RFWD3: variants seen among roughly 807,000 people sequenced by gnomAD.
RFWD3 encodes ring finger and WD repeat domain 3, also known as E3 ubiquitin-protein ligase RFWD3.
Under a neutral mutation model 87.7 loss-of-function variants are expected in RFWD3, and 65 were observed. That is an observed-to-expected ratio of 0.74 (90% confidence interval 0.61 to 0.91). RFWD3 has a LOEUF of 0.91. Among genes scored for constraint, RFWD3 ranks in the 40% least tolerant of loss-of-function variants. The pLI is 0.00. For synonymous variants in RFWD3, 433 were observed against 352.8 expected, an observed-to-expected ratio of 1.23 and a Z score of -2.55; for missense variants, 1,078 against 938.5, an observed-to-expected ratio of 1.15 and a Z score of -1.94.
chr16:74,661,321 C>A lies in RFWD3; in HGVS notation c.129G>T (p.Val43=), dbSNP rs779285037. The A allele has an allele frequency of 6.2e-7, 1 of 1,613,908 alleles. No homozygotes were observed. The highest frequency in any genetic ancestry group is 8.5e-7 in the Non-Finnish European group (1 of 1,179,980). ...TGGATGGTACCCCCTGGCTGCTGAC[C>A]ACATCAGCAGGAACAGGCTGGAGGA... ...PALLQPVPAD[V]VSSQGVPSIL... The change falls in exon 2 of 13, where the codon GTG becomes GTT. Residue 43 remains valine (V), a synonymous_variant. Coordinates refer to ENST00000361070, the MANE Select transcript of RFWD3 (RefSeq NM_018124.4).
intron 5 of RFWD3, 30 bp from the exon 6 acceptor site, chr16:74,644,483 T>A: frequency 6.2e-7 from 1 of 1,613,934 alleles, no homozygotes; most frequent in East Asian, 2.2e-5. Context: ...ATAATTAGAG[T>A]GGTTCTAGGA....
At chr16:74,642,506 T>A (rs1468877562) in intron 6 of RFWD3, among the ~76,000 whole-genome samples, 1 of 151,368 alleles carries the variant, frequency 6.6e-6, no homozygotes, top group East Asian at 2.0e-4. Context: ...AACAGATTTA[T>A]CTTTATTTTT....
At chr16:74,663,762 C>A (rs1317746650) in intron 1 of RFWD3, among the ~76,000 whole-genome samples, 1 of 152,016 alleles carries the variant, frequency 6.6e-6, no homozygotes, top group Non-Finnish European at 1.5e-5. Flanking sequence ...CTTAGCAGAG[C>A]CAAAAGATAA....
At chr16:74,624,202 A>T in intron 12 of RFWD3, 131 bp from the exon 13 acceptor site, 1 of 1,087,342 alleles carries the variant, frequency 9.2e-7, no homozygotes, top group Admixed American at 2.8e-5. Context: ...GGCTGTCCCT[A>T]ACCTTTGCAA....
chr16:74,661,395 G>A lies in RFWD3; in HGVS notation c.55C>T (p.Gln19Ter). ...DVQVQLNHAE[Q>*]QPAPAGMASS... ...GCCATGCCAGCAGGAGCTGGCTGTT[G>A]TTCGGCATGATTTAACTGCACCTGA... The change falls in exon 2 of 13, where the codon CAA (glutamine) becomes TAA (stop). Residue 19 changes from glutamine (Q) to a stop codon, truncating the protein, a stop_gained. Transcript: ENST00000361070. LOFTEE classifies it high-confidence loss of function. 1 of 1,614,016 alleles carries A rather than the reference G, an allele frequency of 6.2e-7. No individual in the cohort carries two copies. Among genetic ancestry groups the A allele is most frequent in the Non-Finnish European group, 8.5e-7 (1 of 1,179,970 alleles).
chr16:74,640,058 G>A (rs979910954), intron 6 of RFWD3, among the ~76,000 whole-genome samples: 1 of 151,940 alleles, frequency 6.6e-6, no homozygotes. Flanking sequence ...AACATACTAC[G>A]GTTTCAGGCA....
chr16:74,631,275 G>T (rs1182143381), intron 9 of RFWD3, among the ~76,000 whole-genome samples: 1 of 152,174 alleles, frequency 6.6e-6, no homozygotes, highest in African/African-American at 2.4e-5. Flanking sequence ...CTTGAGGTCA[G>T]GAGTTTGAGA....
At chr16:74,633,003 ATG>A (rs1959149185) in intron 8 of RFWD3, among the ~76,000 whole-genome samples, 1 of 151,050 alleles carries the variant, frequency 6.6e-6, no homozygotes, top group Non-Finnish European at 1.5e-5. Context: ...CAGGCCAGGC[ATG>A]GTGTCTCACC....
Position 74,621,524 on chromosome 16 carries a change from G to C in RFWD3, c.*2404C>G, listed in dbSNP as rs1958767003. 6.6e-6 allele frequency: 1 copy of C among 152,076 alleles called. No individual in the cohort carries two copies. The highest frequency in any genetic ancestry group is 6.6e-5 in the Admixed American group (1 of 15,264). 9.4% of individuals were successfully genotyped at this position (152,076 alleles called of 1,614,324 possible). On this transcript the variant is annotated 3_prime_UTR_variant, in exon 13 of 13. Coordinates refer to ENST00000361070, the MANE Select transcript of RFWD3 (RefSeq NM_018124.4). ...GGGGCAAGAATACATACAATGACAA[G>C]ACATTTTGAGTTCGTTTAACTCCAA...
chr16:74,660,864 T>C lies in RFWD3; in HGVS notation c.518+68A>G, dbSNP rs977809303. ...AAAAGTCACACTGTCAGTCCTTGAA[T>C]GGCAGAGCCTCAGTTTCATAATTTC... is the stretch of plus-strand genomic sequence containing the variant. On this transcript the variant is annotated intron_variant, in intron 2 of 12. Transcript: ENST00000361070. 8 of 1,518,424 alleles carry C rather than the reference T, an allele frequency of 5.3e-6. No individual in the cohort carries two copies. In the African/African-American group the frequency reaches 9.7e-5, roughly 18 times the overall value. The allele number at this position is 1,518,424 out of a possible 1,614,324, so 94.1% of individuals were successfully genotyped here. A position where few individuals can be genotyped will look rare whatever the true frequency, so the allele number is the denominator to read the frequency against.
intron 4 of RFWD3, among the ~76,000 whole-genome samples, chr16:74,645,839 G>C: frequency 7.6e-6 from 1 of 131,840 alleles, no homozygotes; most frequent in East Asian, 2.5e-4. Context: ...TGCAAGTTCC[G>C]CCTCCTGGGT....
At chr16:74,634,276 A>C (rs1418939098) in intron 8 of RFWD3, among the ~76,000 whole-genome samples, 1 of 152,154 alleles carries the variant, frequency 6.6e-6, no homozygotes. Flanking sequence ...ACATTACTGA[A>C]GTGGGGGGAA....
At chr16:74,650,798 G>C (rs1296819899) in intron 3 of RFWD3, among the ~76,000 whole-genome samples, 1 of 151,950 alleles carries the variant, frequency 6.6e-6, no homozygotes, top group East Asian at 1.9e-4. Context: ...GATCGCTTGA[G>C]CCTGGGAGGT....
At chr16:74,661,480 T>A in intron 1 of RFWD3, 29 bp from the exon 2 acceptor site, 1 of 1,536,224 alleles carries the variant, frequency 6.5e-7, no homozygotes. Context: ...TAAAAAGTAT[T>A]AATAAAATAG....
At position 74,666,834 on chromosome 16, in the gene RFWD3, G is replaced by A. The variant is rs961469980; in HGVS notation, c.-51C>T. On this transcript the variant is annotated 5_prime_UTR_variant, in exon 1 of 13. Coordinates refer to ENST00000361070, the MANE Select transcript of RFWD3 (RefSeq NM_018124.4). Reference sequence around the variant, plus strand: ...GGCTCGCGAGCCCGCCGAAGACTCGGTAGTTACCTCGGCCGCACTCCGAAT... The same window carrying A: ...GGCTCGCGAGCCCGCCGAAGACTCGATAGTTACCTCGGCCGCACTCCGAAT... 6.6e-6 allele frequency: 1 copy of A among 151,880 alleles called. No homozygotes were observed. Among genetic ancestry groups the A allele is most frequent in the Non-Finnish European group, 1.5e-5 (1 of 68,300 alleles). 9.4% of individuals were successfully genotyped at this position (151,880 alleles called of 1,614,324 possible).
intron 4 of RFWD3, among the ~76,000 whole-genome samples, chr16:74,645,811 G>A (rs970514478): frequency 1.4e-5 from 2 of 145,214 alleles, no homozygotes; most frequent in African/African-American, 2.5e-5. Flanking sequence ...GGAGTGTAGC[G>A]GCAGAATCTC....
chr16:74,633,728 TCG>T (rs1214597410), intron 8 of RFWD3, among the ~76,000 whole-genome samples: 2 of 152,118 alleles, frequency 1.3e-5, no homozygotes, highest in Non-Finnish European at 1.5e-5. Context: ...GGTGGGTGGC[TCG>T]CTTGAGATCA....
chr16:74,629,171 A>G (rs1005023034), intron 10 of RFWD3, among the ~76,000 whole-genome samples: 1 of 152,232 alleles, frequency 6.6e-6, no homozygotes, highest in Non-Finnish European at 1.5e-5. Flanking sequence ...CTATGCGCCA[A>G]GAATTCTCTC....
At chr16:74,661,911 T>C (rs1961471924) in intron 1 of RFWD3, among the ~76,000 whole-genome samples, 2 of 152,230 alleles carry the variant, frequency 1.3e-5, no homozygotes, top group South Asian at 4.1e-4. Context: ...GGACATTTTT[T>C]ACACTTGCAA....
Sources: gnomAD v4.1 joint callset for allele counts (sites outside exome capture counted in the v4.1 genomes callset) on GRCh38, gnomAD v4.1.1 for gene constraint, MANE v1.5 for transcripts, NCBI Gene and HGNC (gene_info 2026-07-23, HGNC 2026-07-21) for gene names.